The following BCL11A variants were observed in gnomAD, a reference collection of about 807,000 sequenced individuals.
BCL11A encodes BCL11 transcription factor A, also known as B cell CLL/lymphoma 11A.
In BCL11A, 2 loss-of-function variants were observed where a neutral mutation model predicts 55.9. The observed-to-expected ratio is 0.04, with a 90% confidence interval of 0.01 to 0.11. BCL11A has a LOEUF of 0.11. Among genes scored for constraint, BCL11A ranks in the 10% least tolerant of loss-of-function variants. The pLI is 1.00. For synonymous variants in BCL11A, 465 were observed against 473.4 expected (o/e 0.98, Z 0.23); for missense variants, 817 against 1,137.1 (o/e 0.72, Z 4.05).
chr2:60,459,435 C>T lies in BCL11A; in HGVS notation c.*969G>A. On this transcript the variant is annotated 3_prime_UTR_variant, in exon 4 of 4. Transcript: ENST00000642384. ...AAACAGCCCATTTCTTTTAAGCTCT[C>T]ACCAGGAGCAAAGTAGCTTTTATAC... 9.8e-7 allele frequency: 1 copy of T among 1,022,250 alleles called. No individual in the cohort carries two copies. The highest frequency in any genetic ancestry group is 6.5e-5 in the East Asian group (1 of 15,390). The allele number at this position is 1,022,250 out of a possible 1,614,324, so 63.3% of individuals were successfully genotyped here. A position where few individuals can be genotyped will look rare whatever the true frequency, so the allele number is the denominator to read the frequency against.
intron 1 of BCL11A, among the ~76,000 whole-genome samples, chr2:60,548,930 T>C (rs1453345890): frequency 6.6e-6 from 1 of 152,230 alleles, no homozygotes; most frequent in Non-Finnish European, 1.5e-5. Context: ...TGCATTTTAA[T>C]GCAAATTCCC....
At chr2:60,497,688 T>C (rs994928239) in intron 2 of BCL11A, among the ~76,000 whole-genome samples, 2 of 152,180 alleles carry the variant, frequency 1.3e-5, no homozygotes, top group Non-Finnish European at 2.9e-5. Context: ...CAATTTAACA[T>C]CCTTTACTTT....
At chr2:60,471,283 G>A (rs1347691352) in intron 2 of BCL11A, among the ~76,000 whole-genome samples, 1 of 152,200 alleles carries the variant, frequency 6.6e-6, no homozygotes, top group African/African-American at 2.4e-5. Context: ...ATCAGCCTAA[G>A]AAGCTATTTA....
rs1007950681 is a variant in BCL11A at position 60,498,621 on chromosome 2, A to C, written c.386-29788T>G. 2.0e-5 allele frequency among the ~76,000 whole-genome samples: 3 copies of C among 152,344 alleles called. No homozygotes were observed. In the South Asian group the frequency reaches 6.2e-4, roughly 32 times the overall value. ...TCAAATTTTAATAGCAAATAGGCTT[A>C]GTGTGCTGGGCAGAGCTGAGCAGAG... On this transcript the variant is annotated intron_variant, in intron 2 of 3. Transcript: ENST00000642384.
intron 2 of BCL11A, chr2:60,537,440 T>G (rs915027443): frequency 6.6e-6 from 1 of 152,200 alleles, no homozygotes; most frequent in Admixed American, 6.5e-5. Flanking sequence ...CCCCCCTAAA[T>G]GTAAATAAAT....
chr2:60,524,372 G>A (rs1180281529), intron 2 of BCL11A: 7 of 152,172 alleles, frequency 4.6e-5, no homozygotes, highest in African/African-American at 1.2e-4. Flanking sequence ...AATAATGGAA[G>A]GGGAAAGTAG....
downstream of BCL11A, chr2:60,453,160 GAT>G (rs1026125799): frequency 2.0e-5 from 3 of 152,308 alleles, no homozygotes; most frequent in African/African-American, 7.2e-5. Flanking sequence ...AGCAGCCAAT[GAT>G]TTACAAGAGG....
downstream of BCL11A, chr2:60,452,388 T>C: frequency 5.6e-6 from 3 of 535,578 alleles, no homozygotes; most frequent in Non-Finnish European, 9.9e-6. Context: ...TTTTACTTTT[T>C]ATTAAAAAAT....
intron 2 of BCL11A, chr2:60,535,551 C>T (rs1227310423): frequency 6.6e-6 from 1 of 152,234 alleles, no homozygotes; most frequent in Non-Finnish European, 1.5e-5. Flanking sequence ...AAAGCCTTTT[C>T]CCCCTCAAGT....
Position 60,461,114 on chromosome 2 carries a change from C to T in BCL11A, c.1798G>A (p.Gly600Ser), listed in dbSNP as rs1676238348. Residue 600 changes from glycine to serine, a missense_variant, in exon 4 of 4, where the codon GGC becomes AGC. Physicochemically the swap from Gly to Ser is moderately conservative, Grantham distance 56 (BLOSUM62 0). Transcript: ENST00000642384. ...GAGCAGCCGCGGCCATTAACAGTGCCATCGTCTATGCGGTCCGACTCGCCG... is the reference window on the plus strand; with the variant it reads ...GAGCAGCCGCGGCCATTAACAGTGCTATCGTCTATGCGGTCCGACTCGCCG... ...VAGESDRIDDGTVNGRGCSPG... is the reference protein window; with the variant it reads ...VAGESDRIDDSTVNGRGCSPG... The T allele has an allele frequency of 1.2e-6, 2 of 1,608,360 alleles. No individual in the cohort carries two copies. The highest frequency in any genetic ancestry group is 1.3e-5 in the African/African-American group (1 of 74,852).
chr2:60,492,023 A>G (rs1678670135), intron 2 of BCL11A, among the ~76,000 whole-genome samples: 1 of 152,234 alleles, frequency 6.6e-6, no homozygotes. Context: ...ACAGGAATTC[A>G]GCACAGGAGA....
downstream of BCL11A, chr2:60,452,457 C>T (rs112168118): frequency 8.3e-6 from 7 of 846,042 alleles, no homozygotes; most frequent in African/African-American, 1.2e-4. Context: ...TCTGTCTTCG[C>T]ACAACGGCTT....
intron 2 of BCL11A, among the ~76,000 whole-genome samples, chr2:60,509,779 G>A (rs1171342510): frequency 6.6e-6 from 1 of 151,968 alleles, no homozygotes; most frequent in African/African-American, 2.4e-5. Flanking sequence ...CAATCGGGGG[G>A]CTACTCTCTT....
intron 1 of BCL11A, chr2:60,549,654 G>T (rs1398533665): frequency 6.6e-6 from 1 of 152,270 alleles, no homozygotes; most frequent in Non-Finnish European, 1.5e-5. Context: ...GGGCAGCCAG[G>T]GGCCCTGACT....
intron 1 of BCL11A, among the ~76,000 whole-genome samples, chr2:60,549,016 C>A (rs1670274591): frequency 6.6e-6 from 1 of 152,208 alleles, no homozygotes; most frequent in Non-Finnish European, 1.5e-5. Context: ...TTCGCCCCAA[C>A]AATACCAACA....
In BCL11A at chr2:60,490,508, C is replaced by A. The variant is rs148272134; in HGVS notation, c.386-21675G>T. Among the ~76,000 whole-genome samples the A allele has an allele frequency of 7.9e-5, 12 of 152,318 alleles. 1 individual carries two copies. The East Asian group carries it at 2.3e-3, about 29-fold the overall frequency. ...CCTGGCTTTTCTTCTTCTTCTCTTA[C>A]CTCCTGGAATCCTGCTCATACTTCA... On this transcript the variant is annotated intron_variant, in intron 2 of 3. Transcript: ENST00000642384.
intron 3 of BCL11A, among the ~76,000 whole-genome samples, chr2:60,467,204 G>GTA (rs1676723714): frequency 8.3e-6 from 1 of 121,020 alleles, no homozygotes; most frequent in Non-Finnish European, 1.8e-5. Flanking sequence ...GGTGGTGATG[G>GTA]CGGTGATGGT....
chr2:60,483,154 C>G (rs1387604053), intron 2 of BCL11A, among the ~76,000 whole-genome samples: 1 of 152,200 alleles, frequency 6.6e-6, no homozygotes, highest in Non-Finnish European at 1.5e-5. Flanking sequence ...GGAGGAGAAT[C>G]AACACAGGCG....
chr2:60,553,649 A>T lies in BCL11A; in HGVS notation c.-379T>A. 2 of 297,474 alleles carry T rather than the reference A, an allele frequency of 6.7e-6. No individual in the cohort carries two copies. The highest frequency in any genetic ancestry group is 1.2e-4 in the South Asian group (2 of 16,580). The allele number at this position is 297,474 out of a possible 1,614,324, so 18.4% of individuals were successfully genotyped here. ...TTGAACGTCAGGAGTCTGGATGGAC[A>T]GAGACACACAAAACATGGGCAGGGC... On this transcript the variant is annotated 5_prime_UTR_variant, in exon 1 of 4. Transcript: ENST00000642384.
Sources: gnomAD v4.1 joint callset for allele counts (sites outside exome capture counted in the v4.1 genomes callset) on GRCh38, gnomAD v4.1.1 for gene constraint, MANE v1.5 for transcripts, NCBI Gene and HGNC (gene_info 2026-07-23, HGNC 2026-07-21) for gene names.